The following ATR variants were observed in gnomAD, a reference collection of about 807,000 sequenced individuals.
The protein encoded by ATR is ATR checkpoint kinase, also known as serine/threonine-protein kinase ATR.
ATR carries 142 observed loss-of-function variants against 305.3 expected under a neutral mutation model. The ratio of observed to expected loss-of-function variants is 0.47; its 90% CI spans 0.41 to 0.53. The LOEUF is 0.53. ATR is among the 20% of genes least tolerant of loss of function. ATR has a pLI of 0.00. For missense variants in ATR, 2,135 were observed against 3,133.1 expected, an observed-to-expected ratio of 0.68 and a Z score of 7.60; for synonymous variants, 1,050 against 1,068.1, an observed-to-expected ratio of 0.98 and a Z score of 0.33.
rs762770337 is a variant in ATR, at chr3:142,562,313, A to G, written c.1089T>C (p.Ser363=). 5 of 1,614,160 alleles carry G rather than the reference A, an allele frequency of 3.1e-6. 1 individual carries two copies. The South Asian group carries it at 5.5e-5, about 18-fold the overall frequency. ...FLKFVPAGYE[S]ALQVRKVYVR... is the part of the protein sequence containing the mutation. ...CATAGACCTTCCTGACTTGTAAAGC[A>G]GATTCATACCCAGCTGGCACAAATT... Residue 363 remains serine, a synonymous_variant, in exon 4 of 47, where the codon TCT becomes TCC. Coordinates refer to ENST00000350721, the MANE Select transcript of ATR (RefSeq NM_001184.4).
Position 142,462,058 on chromosome 3 carries a change from T to C in ATR, c.7074A>G (p.Arg2358=). The C allele has an allele frequency of 6.2e-7, 1 of 1,613,138 alleles. No individual in the cohort carries two copies. The highest frequency in any genetic ancestry group is 8.5e-7 in the Non-Finnish European group (1 of 1,179,490). Residue 2358 remains arginine (R), a synonymous_variant, in exon 42 of 47, where the codon AGA becomes AGG. Transcript: ENST00000350721. Reference sequence around the variant, plus strand: ...CTGCATATGTTCGAATATGAAGTTCTCTTCTACGAGACTCTGCATCTTTTC... The same window carrying C: ...CTGCATATGTTCGAATATGAAGTTCCCTTCTACGAGACTCTGCATCTTTTC... The part of the protein sequence containing the change: ...CLRKDAESRR[R]ELHIRTYAVI...
At position 142,496,534 on chromosome 3, in the gene ATR, C is replaced by T. The variant is rs587783335; in HGVS notation, c.5739-14G>A. On this transcript the variant is annotated splice_polypyrimidine_tract_variant and intron_variant, in intron 33 of 46. Transcript: ENST00000350721. ...TTGTAATCTGGTCTAAAGGAAGTAACAACACATTGGTGAGAGAGACCATTG... is the reference window on the plus strand; with the variant it reads ...TTGTAATCTGGTCTAAAGGAAGTAATAACACATTGGTGAGAGAGACCATTG... The T allele has an allele frequency of 5.2e-6, 8 of 1,547,658 alleles. No homozygotes were observed. Among genetic ancestry groups the T allele is most frequent in the Admixed American group, 1.7e-5 (1 of 58,524 alleles).
intron 34 of ATR, 105 bp from the exon 35 acceptor site, chr3:142,493,416 T>A: frequency 7.9e-7 from 1 of 1,260,238 alleles, no homozygotes; most frequent in Non-Finnish European, 1.1e-6. Context: ...ATTTGTAATT[T>A]CATGTTTATC....
At position 142,560,266 on chromosome 3, in the gene ATR, T is replaced by C. The variant is rs1282853895; in HGVS notation, c.1538A>G (p.Asn513Ser). 6 of 1,613,606 alleles carry C rather than the reference T, an allele frequency of 3.7e-6. No individual in the cohort carries two copies. Among genetic ancestry groups the C allele is most frequent in the Non-Finnish European group, 5.1e-6 (6 of 1,179,658 alleles). The change falls in exon 6 of 47, where the codon AAC becomes AGC. Residue 513 changes from asparagine (N) to serine (S), a missense_variant. Asn to Ser is a conservative substitution (Grantham distance 46). Transcript: ENST00000350721. Reference sequence around the variant, plus strand: ...AGAAACAAGAAGTTTGTTTTACCAGTTCATGTTTTGATGAGAACAATGAAC... The same window carrying C: ...AGAAACAAGAAGTTTGTTTTACCAGCTCATGTTTTGATGAGAACAATGAAC... ...CTVHCSHQNM[N>S]CRTFKDCQHK...
intron 25 of ATR, among the ~76,000 whole-genome samples, 159 bp downstream of exon 25, chr3:142,515,236 G>A (rs773177717): frequency 2.4e-4 from 36 of 152,204 alleles, no homozygotes; most frequent in Non-Finnish European, 4.6e-4. Context: ...TAACTACAGA[G>A]AAATTATTAT....
rs1246951967 is a variant in ATR at position 142,553,319 on chromosome 3, C to G, written c.2713G>C (p.Gly905Arg). 6.2e-7 allele frequency: 1 copy of G among 1,613,870 alleles called. No homozygotes were observed. ...CLLSKSASVSGAAYTEIRALV... is the reference protein window; with the variant it reads ...CLLSKSASVSRAAYTEIRALV... ...GCTCTAATTTCTGTGTATGCTGCTC[C>G]AGAGACAGATGCTGACTTGGATAAC... The change falls in exon 13 of 47, where the codon GGA becomes CGA. Residue 905 changes from glycine (G) to arginine (R), a missense_variant. Gly to Arg is a moderately radical substitution (Grantham distance 125). Coordinates refer to ENST00000350721, the MANE Select transcript of ATR (RefSeq NM_001184.4).
intron 36 of ATR, among the ~76,000 whole-genome samples, chr3:142,473,359 C>T (rs1246783956): frequency 6.6e-6 from 1 of 152,080 alleles, no homozygotes; most frequent in Non-Finnish European, 1.5e-5. Flanking sequence ...AGAGACTGTC[C>T]TTTCTGCATT....
Position 142,555,907 on chromosome 3 carries a change from TCAG to T in ATR, c.2308_2310del (p.Leu770del). ...TTTACTGGACTAGGTATTTTTTTTT[TCAG>T]TAGGAAAAGGAATGGCTTGCAGACA... On this transcript the variant is annotated inframe_deletion, in exon 10 of 47. Transcript: ENST00000350721. 2.5e-6 allele frequency: 4 copies of T among 1,610,140 alleles called. No individual in the cohort carries two copies. Among genetic ancestry groups the T allele is most frequent in the Admixed American group, 3.4e-5 (2 of 59,048 alleles).
chr3:142,537,684 T>C (rs2033907242), intron 19 of ATR, among the ~76,000 whole-genome samples: 1 of 152,138 alleles, frequency 6.6e-6, no homozygotes, highest in South Asian at 2.1e-4. Flanking sequence ...TAAGTAGTAC[T>C]TCAATCCCAA....
intron 21 of ATR, among the ~76,000 whole-genome samples, chr3:142,525,744 G>C (rs193191663): frequency 1.3e-5 from 2 of 152,180 alleles, no homozygotes; most frequent in East Asian, 1.9e-4. Context: ...CTGGTTATTT[G>C]AGAGTATGGC....
At chr3:142,552,578 G>A (rs1018291896) in intron 13 of ATR, among the ~76,000 whole-genome samples, 2 of 149,650 alleles carry the variant, frequency 1.3e-5, no homozygotes, top group African/African-American at 4.9e-5. Flanking sequence ...GCTGAGGCAG[G>A]AGAATCACGT....
At chr3:142,454,951 G>T (rs1191687223) in intron 45 of ATR, among the ~76,000 whole-genome samples, 2 of 152,106 alleles carry the variant, frequency 1.3e-5, no homozygotes, top group Admixed American at 1.3e-4. Flanking sequence ...GAAATAAAAG[G>T]CATTGATATT....
intron 22 of ATR, among the ~76,000 whole-genome samples, chr3:142,523,426 A>C (rs1442457122): frequency 6.6e-6 from 1 of 152,158 alleles, no homozygotes; most frequent in African/African-American, 2.4e-5. Flanking sequence ...TCCAAAAAAA[A>C]ACACAAAATG....
At position 142,524,071 on chromosome 3, in the gene ATR, T is replaced by G. The variant is rs910428570; in HGVS notation, c.4074A>C (p.Leu1358Phe). ...CTGGATCTATCGCCCCCAATTCCCCTAAACATTCCCCACAGAGCAACCGAG... is the reference window on the plus strand; with the variant it reads ...CTGGATCTATCGCCCCCAATTCCCCGAAACATTCCCCACAGAGCAACCGAG... Reference protein sequence around the residue: ...SQARLLCGECLGELGAIDPGR... With the variant: ...SQARLLCGECFGELGAIDPGR... The change falls in exon 22 of 47, where the codon TTA (leucine) becomes TTC (phenylalanine). Residue 1358 changes from leucine (L) to phenylalanine (F), a missense_variant. This residue lies in a region of ATR where 530 missense variants were observed against 766.8 expected (regional missense o/e 0.69). Coordinates refer to ENST00000350721, the MANE Select transcript of ATR (RefSeq NM_001184.4). The G allele has an allele frequency of 1.2e-6, 2 of 1,614,014 alleles. No individual in the cohort carries two copies. Among genetic ancestry groups the G allele is most frequent in the African/African-American group, 2.7e-5 (2 of 74,920 alleles).
At chr3:142,473,989 C>G (rs142153031) in intron 36 of ATR, among the ~76,000 whole-genome samples, 17 of 144,790 alleles carry the variant, frequency 1.2e-4, no homozygotes, top group Non-Finnish European at 2.5e-4. Flanking sequence ...TGCAGAGGCA[C>G]GATCTTGGTT....
chr3:142,469,999 T>G, intron 37 of ATR, 87 bp downstream of exon 37: 1 of 1,011,634 alleles, frequency 9.9e-7, no homozygotes, highest in African/African-American at 1.6e-5. Context: ...TCCAAGCTTC[T>G]AGGAAATTAG....
intron 1 of ATR, among the ~76,000 whole-genome samples, chr3:142,572,745 G>A (rs114229810): frequency 4.9e-4 from 74 of 151,924 alleles, no homozygotes; most frequent in African/African-American, 1.5e-3. Context: ...CTCCAGCCTC[G>A]GTGACAAAAC....
chr3:142,466,748 C>T (rs940408198), intron 39 of ATR, among the ~76,000 whole-genome samples: 1 of 151,970 alleles, frequency 6.6e-6, no homozygotes, highest in African/African-American at 2.4e-5. Context: ...GAGTAGAGGC[C>T]TATAATCTAT....
rs115398101 is a variant in ATR, at chr3:142,562,063, G to A, written c.1170+169C>T. On this transcript the variant is annotated intron_variant, in intron 4 of 46. Transcript: ENST00000350721. ...ATGAACAAATCCTTCTGAAATCAAA[G>A]TAAAAGTCCATAATAGTGAGCCAGA... 1.9e-3 allele frequency among the ~76,000 whole-genome samples: 293 copies of A among 150,344 alleles called. 1 individual carries two copies. The highest frequency in any genetic ancestry group is 6.8e-3 in the African/African-American group (281 of 41,154).
Sources: gnomAD v4.1 joint callset for allele counts (sites outside exome capture counted in the v4.1 genomes callset) on GRCh38, gnomAD v4.1.1 for gene constraint, gnomAD v4.1.1 regional missense constraint, MANE v1.5 for transcripts, NCBI Gene and HGNC (gene_info 2026-07-23, HGNC 2026-07-21) for gene names.